WNK2: variants seen among roughly 807,000 people sequenced by gnomAD.
The protein encoded by WNK2 is serine/threonine-protein kinase WNK2.
In WNK2, 67 loss-of-function variants were observed where a neutral mutation model predicts 192.1. The observed-to-expected ratio is 0.35, with a 90% CI of 0.29 to 0.43. WNK2 has a LOEUF of 0.43. Among genes scored for constraint, WNK2 ranks in the 20% least tolerant of loss-of-function variants. The pLI is 1.00. For synonymous variants in WNK2, 1,439 were observed against 1,393.9 expected (o/e 1.03, Z -0.72); for missense variants, 2,698 against 3,089.7 (o/e 0.87, Z 3.01).
At chr9:93,186,036 T>A (rs940317331) in intron 2 of WNK2, among the ~76,000 whole-genome samples, 7 of 152,180 alleles carry the variant, frequency 4.6e-5, no homozygotes, top group Admixed American at 6.5e-5. Context: ...GCCCGGTGTG[T>A]GCAGTCAGAG....
rs1341148651 is a variant in WNK2 at position 93,300,619 on chromosome 9, G to A, written c.6214+470G>A. Among the ~76,000 whole-genome samples the A allele has an allele frequency of 3.3e-5, 5 of 152,064 alleles. No individual in the cohort carries two copies. The East Asian group carries it at 5.8e-4, about 18-fold the overall frequency. ...CCTCCAGATGCACAGTGTGTGTCAC[G>A]CGTGTCTGGACTGTGAAGACATGCA... On this transcript the variant is annotated intron_variant, in intron 26 of 29. Transcript: ENST00000427277.
At chr9:93,273,859 A>C (rs182781455) in intron 19 of WNK2, among the ~76,000 whole-genome samples, 2 of 152,362 alleles carry the variant, frequency 1.3e-5, no homozygotes, top group Admixed American at 1.3e-4. Flanking sequence ...ATTTACAGTA[A>C]GAGAAAAAGT....
intron 27 of WNK2, 47 bp from the exon 28 acceptor site, chr9:93,308,281 G>C (rs1852976984): frequency 1.5e-5 from 23 of 1,527,026 alleles, no homozygotes; most frequent in Non-Finnish European, 1.9e-5. Context: ...TGGGGGCCTG[G>C]GTGCGTGTGT....
intron 24 of WNK2, among the ~76,000 whole-genome samples, chr9:93,298,651 T>C (rs1851038718): frequency 1.3e-5 from 2 of 152,162 alleles, no homozygotes; most frequent in Non-Finnish European, 2.9e-5. Context: ...ATGGAGCCCC[T>C]GTGAGCCCAA....
intron 19 of WNK2, among the ~76,000 whole-genome samples, chr9:93,274,682 A>G (rs1174345218): frequency 6.6e-6 from 1 of 152,234 alleles, no homozygotes; most frequent in Non-Finnish European, 1.5e-5. Flanking sequence ...TAATTCCTCA[A>G]AAGCCATAAA....
At chr9:93,218,059 AGG>A (rs967810799) in intron 2 of WNK2, among the ~76,000 whole-genome samples, 7 of 151,914 alleles carry the variant, frequency 4.6e-5, no homozygotes, top group Non-Finnish European at 8.8e-5. Flanking sequence ...CCTGCCTTCG[AGG>A]GGCCACAATA....
intron 2 of WNK2, among the ~76,000 whole-genome samples, chr9:93,213,730 A>T (rs541352053): frequency 1.3e-5 from 2 of 152,238 alleles, no homozygotes; most frequent in South Asian, 4.1e-4. Context: ...CAGAGGTTGC[A>T]GTAAGCCGAG....
intron 1 of WNK2, among the ~76,000 whole-genome samples, 83 bp downstream of exon 1, chr9:93,184,468 TC>T (rs1262015064): frequency 6.7e-6 from 1 of 148,496 alleles, no homozygotes; most frequent in East Asian, 2.0e-4. Flanking sequence ...CGCGCGCCCC[TC>T]CCGCGCCCCG....
At chr9:93,204,707 G>A (rs1323026909) in intron 2 of WNK2, among the ~76,000 whole-genome samples, 1 of 152,240 alleles carries the variant, frequency 6.6e-6, no homozygotes, top group Admixed American at 6.5e-5. Context: ...TCACTGTCCT[G>A]CCTGGCCCTG....
chr9:93,206,331 G>A (rs1038021116), intron 2 of WNK2, among the ~76,000 whole-genome samples: 2 of 152,160 alleles, frequency 1.3e-5, no homozygotes, highest in Non-Finnish European at 2.9e-5. Context: ...CAGTGACCTG[G>A]GCACGTGGAC....
intron 19 of WNK2, among the ~76,000 whole-genome samples, chr9:93,281,830 T>C (rs1418189247): frequency 6.6e-6 from 1 of 152,244 alleles, no homozygotes; most frequent in Non-Finnish European, 1.5e-5. Context: ...CATATGCCAG[T>C]GGACAAGGAA....
intron 27 of WNK2, chr9:93,307,172 C>T (rs897175528): frequency 5.7e-6 from 2 of 348,978 alleles, no homozygotes; most frequent in African/African-American, 2.1e-5. Context: ...AGTGCCTCCC[C>T]ACGAGGAGAG....
Position 93,257,165 on chromosome 9 carries a change from C to T in WNK2, c.2382+26C>T, listed in dbSNP as rs1231614285. The stretch of plus-strand genomic sequence containing the variant: ...GTAATTCTAGGTTGATGGCTGCCGT[C>T]AGTGGTGGCGCACGCTTTGCCAGGC... On this transcript the variant is annotated intron_variant, in intron 11 of 29. Transcript: ENST00000427277. This position sits in a 1 kb window ranked among gnomAD's most constrained non-coding sequence, Gnocchi z 4.7. The T allele has an allele frequency of 1.3e-6, 2 of 1,593,930 alleles. No homozygotes were observed. The highest frequency in any genetic ancestry group is 1.7e-6 in the Non-Finnish European group (2 of 1,175,440).
rs1462213527 is a variant in WNK2 at position 93,292,536 on chromosome 9, A to T, written c.5071A>T (p.Arg1691Trp). 1.3e-6 allele frequency: 2 copies of T among 1,579,012 alleles called. No homozygotes were observed. The change falls in exon 23 of 30, where the codon AGG (arginine) becomes TGG (tryptophan). Residue 1691 changes from arginine (R) to tryptophan (W), a missense_variant. This residue lies in a region of WNK2 where 1,098 missense variants were observed against 1,101.0 expected (regional missense o/e 1.00). Transcript: ENST00000427277. ...ACCTGCACGTGTGGAGCCCACAGAC[A>T]GGGATGGTGGAGAAGCTGGAGAAAG... ...VRPARVEPTD[R>W]DGGEAGESSA...
At chr9:93,289,956 C>T (rs1394178235) in intron 20 of WNK2, 22 bp from the exon 21 acceptor site, 10 of 1,553,772 alleles carry the variant, frequency 6.4e-6, no homozygotes, top group Admixed American at 3.9e-5. Context: ...CGGCTCTTCT[C>T]TTTTTGTGTT....
At chr9:93,220,381 G>C (rs1170841356) in intron 2 of WNK2, among the ~76,000 whole-genome samples, 2 of 152,192 alleles carry the variant, frequency 1.3e-5, no homozygotes, top group African/African-American at 4.8e-5. Context: ...GGAAGGGGCC[G>C]AGGGTGAGGT....
chr9:93,243,777 G>C (rs1247629332), intron 7 of WNK2, among the ~76,000 whole-genome samples: 1 of 152,188 alleles, frequency 6.6e-6, no homozygotes, highest in East Asian at 1.9e-4. Flanking sequence ...TCAGACACCA[G>C]AGTCCGTCAC....
chr9:93,267,145 G>A (rs1050047057), intron 16 of WNK2: 12 of 152,584 alleles, frequency 7.9e-5, no homozygotes, highest in Non-Finnish European at 1.6e-4. Flanking sequence ...CATGACAGGA[G>A]CTGCTCGTTG....
At chr9:93,249,366 T>C (rs1842213714) in intron 8 of WNK2, among the ~76,000 whole-genome samples, 1 of 152,230 alleles carries the variant, frequency 6.6e-6, no homozygotes, top group Admixed American at 6.5e-5. Flanking sequence ...TGACTGATGA[T>C]TGCAATTCAG....
Sources: gnomAD v4.1 joint callset for allele counts (sites outside exome capture counted in the v4.1 genomes callset) on GRCh38, gnomAD v4.1.1 for gene constraint, gnomAD v4.1.1 regional missense constraint, Gnocchi (gnomAD v3.1) non-coding constraint, MANE v1.5 for transcripts, NCBI Gene and HGNC (gene_info 2026-07-23, HGNC 2026-07-21) for gene names.